The following ABHD16A variants were observed in gnomAD, a reference collection of about 807,000 sequenced individuals.
The protein encoded by ABHD16A is abhydrolase domain containing 16A, phospholipase, also known as phosphatidylserine lipase ABHD16A.
A neutral mutation model predicts 89.8 loss-of-function variants in ABHD16A; 47 were observed. The ratio of observed to expected loss-of-function variants is 0.52; its 90% confidence interval spans 0.41 to 0.67. ABHD16A has a LOEUF of 0.67. ABHD16A is among the 30% of genes least tolerant of loss of function. The pLI is 0.00. For synonymous variants in ABHD16A, 251 were observed against 280.4 expected (o/e 0.90, Z 1.05); for missense variants, 580 against 734.6 (o/e 0.79, Z 2.43).
chr6:31,694,643 G>A (rs532788568), intron 5 of ABHD16A, among the ~76,000 whole-genome samples: 18 of 151,956 alleles, frequency 1.2e-4, no homozygotes, highest in Admixed American at 4.6e-4. Flanking sequence ...CACCCGCCTC[G>A]GCCTTCCAAA....
intron 4 of ABHD16A, among the ~76,000 whole-genome samples, chr6:31,699,425 A>G (rs1266072): frequency 0.062 from 9,413 of 150,626 alleles, 477 homozygotes; most frequent in African/African-American, 0.13. Flanking sequence ...AAAAAAAAAA[A>G]AAAAGAAAAC....
Position 31,688,445 on chromosome 6 carries a change from T to G in ABHD16A, c.1251-140A>C. 3.3e-6 allele frequency: 3 copies of G among 905,712 alleles called. No individual in the cohort carries two copies. Among genetic ancestry groups the G allele is most frequent in the South Asian group, 1.6e-5 (1 of 64,160 alleles). 56.1% of individuals were successfully genotyped at this position (905,712 alleles called of 1,614,324 possible). A position where few individuals can be genotyped will look rare whatever the true frequency, so the allele number is the denominator to read the frequency against. ...CTTGACCTAGCCCTTCACTCAGGGGTGAGAGGGGATTATTTAAGGGGCATG... is the reference window on the plus strand; with the variant it reads ...CTTGACCTAGCCCTTCACTCAGGGGGGAGAGGGGATTATTTAAGGGGCATG... On this transcript the variant is annotated intron_variant, in intron 14 of 19. Coordinates refer to ENST00000395952, the MANE Select transcript of ABHD16A (RefSeq NM_021160.3). The surrounding 1 kb of genome is among the most constrained non-coding windows in gnomAD (Gnocchi z 4.9).
chr6:31,700,932 C>T lies in ABHD16A; in HGVS notation c.343+10G>A, dbSNP rs1287518728. 6.2e-7 allele frequency: 1 copy of T among 1,610,816 alleles called. No individual in the cohort carries two copies. On this transcript the variant is annotated intron_variant, in intron 4 of 19. Coordinates refer to ENST00000395952, the MANE Select transcript of ABHD16A (RefSeq NM_021160.3). ...AGATAAGATTCAAACCAGGTTTCCTCTCCACCTACCTCGGAGGCAGGCCAC... is the reference window on the plus strand; with the variant it reads ...AGATAAGATTCAAACCAGGTTTCCTTTCCACCTACCTCGGAGGCAGGCCAC...
Position 31,687,445 on chromosome 6 carries a change from A to C in ABHD16A, c.1593+53T>G, listed in dbSNP as rs531922928. On this transcript the variant is annotated intron_variant, in intron 19 of 19. Transcript: ENST00000395952. The surrounding 1 kb of genome is among the most constrained non-coding windows in gnomAD (Gnocchi z 6.3). Reference sequence around the variant, plus strand: ...CTTATAGGGTATCCCCAGTCCCCCTATGTGAGCCCTGGCCATTCAAGAACC... The same window carrying C: ...CTTATAGGGTATCCCCAGTCCCCCTCTGTGAGCCCTGGCCATTCAAGAACC... 3 of 1,612,496 alleles carry C rather than the reference A, an allele frequency of 1.9e-6. No homozygotes were observed. Among genetic ancestry groups the C allele is most frequent in the Non-Finnish European group, 2.5e-6 (3 of 1,179,512 alleles).
In ABHD16A at chr6:31,703,211, CT is replaced by C; in HGVS notation, c.70del (p.Arg24GlyfsTer65). 1.4e-6 allele frequency: 2 copies of C among 1,442,874 alleles called. No homozygotes were observed. The highest frequency in any genetic ancestry group is 1.8e-6 in the Non-Finnish European group (2 of 1,088,350). 89.4% of individuals were successfully genotyped at this position (1,442,874 alleles called of 1,614,324 possible). On this transcript the variant is annotated frameshift_variant, in exon 1 of 20. Transcript: ENST00000395952. LOFTEE classifies it high-confidence loss of function. ...CGTCTCAGGGACGCTGGCCGGGGCC[CT>C]TTCAGAGTCCCTCTCCCGGTAGATT... ...YKIYRERDSE[R>X]APASVPETPT...
At position 31,689,082 on chromosome 6, in the gene ABHD16A, G is replaced by A. The variant is rs1803590967; in HGVS notation, c.1119C>T (p.Ala373=). 6.2e-7 allele frequency: 1 copy of A among 1,614,062 alleles called. No individual in the cohort carries two copies. Among genetic ancestry groups the A allele is most frequent in the Non-Finnish European group, 8.5e-7 (1 of 1,180,006 alleles). ...CATCAAAGGAGGCATCCAGGATCAT[G>A]GCACTAACATCTGGGTAGGACATGG... is the stretch of plus-strand genomic sequence containing the variant. The part of the protein sequence containing the change: ...WAAMSYPDVS[A]MILDASFDDL... The change falls in exon 13 of 20, where the codon GCC becomes GCT. Residue 373 remains alanine, a synonymous_variant. Transcript: ENST00000395952.
Position 31,687,399 on chromosome 6 carries a change from C to T in ABHD16A, c.1593+99G>A. On this transcript the variant is annotated intron_variant, in intron 19 of 19. Coordinates refer to ENST00000395952, the MANE Select transcript of ABHD16A (RefSeq NM_021160.3). This position sits in a 1 kb window ranked among gnomAD's most constrained non-coding sequence, Gnocchi z 6.3. ...ACTTCCGCATCCACCACCCACTCTA[C>T]AAAAGCTGCCACTTCCAATGCTTAT... The T allele has an allele frequency of 6.2e-7, 1 of 1,605,330 alleles. No homozygotes were observed. Among genetic ancestry groups the T allele is most frequent in the East Asian group, 2.2e-5 (1 of 44,814 alleles).
Position 31,687,904 on chromosome 6 carries a change from C to A in ABHD16A, c.1371-4G>T. 2 of 1,612,812 alleles carry A rather than the reference C, an allele frequency of 1.2e-6. No individual in the cohort carries two copies. Among genetic ancestry groups the A allele is most frequent in the Non-Finnish European group, 1.7e-6 (2 of 1,180,010 alleles). Reference sequence around the variant, plus strand: ...CTCTGCCATCACCCGGGGATACCTACGGAGGAAGTGCCAGGACAGGTCAGG... The same window carrying A: ...CTCTGCCATCACCCGGGGATACCTAAGGAGGAAGTGCCAGGACAGGTCAGG... On this transcript the variant is annotated splice_polypyrimidine_tract_variant and splice_region_variant and intron_variant, in intron 16 of 19. Transcript: ENST00000395952. The surrounding 1 kb of genome is among the most constrained non-coding windows in gnomAD (Gnocchi z 6.3).
In ABHD16A at chr6:31,690,204, G is replaced by A; in HGVS notation, c.908-77C>T. 2.2e-6 allele frequency: 3 copies of A among 1,377,612 alleles called. No individual in the cohort carries two copies. Among genetic ancestry groups the A allele is most frequent in the Non-Finnish European group, 3.0e-6 (3 of 1,010,218 alleles). The allele number at this position is 1,377,612 out of a possible 1,614,324, so 85.3% of individuals were successfully genotyped here. A position where few individuals can be genotyped will look rare whatever the true frequency, so the allele number is the denominator to read the frequency against. On this transcript the variant is annotated intron_variant, in intron 10 of 19. Coordinates refer to ENST00000395952, the MANE Select transcript of ABHD16A (RefSeq NM_021160.3). This position sits in a 1 kb window ranked among gnomAD's most constrained non-coding sequence, Gnocchi z 4.1. ...TCCATCCCTGGGGGAAGGAAGAGCA[G>A]AAGTACCCCCCAGCTTAGATGCAAA...
chr6:31,687,094 G>C lies in ABHD16A; in HGVS notation c.*118C>G, dbSNP rs916023026. 76 of 957,450 alleles carry C rather than the reference G, an allele frequency of 7.9e-5. 2 individuals carry two copies. In the South Asian group the frequency reaches 1.2e-3, roughly 15 times the overall value. 59.3% of individuals were successfully genotyped at this position (957,450 alleles called of 1,614,324 possible). A position where few individuals can be genotyped will look rare whatever the true frequency, so the allele number is the denominator to read the frequency against. ...GAGGAACAGTGGTGAGAAGGGGGAT[G>C]GTCCCCCACTTTCCACAAACTATAA... On this transcript the variant is annotated 3_prime_UTR_variant, in exon 20 of 20. Coordinates refer to ENST00000395952, the MANE Select transcript of ABHD16A (RefSeq NM_021160.3). The surrounding 1 kb of genome is among the most constrained non-coding windows in gnomAD (Gnocchi z 6.3).
intron 9 of ABHD16A, 57 bp downstream of exon 9, chr6:31,691,522 G>C (rs937641091): frequency 6.4e-7 from 1 of 1,550,610 alleles, no homozygotes; most frequent in African/African-American, 1.4e-5. Flanking sequence ...GGGGTCCCCA[G>C]ACCTCTACTG....
chr6:31,701,230 A>G (rs762764192), intron 3 of ABHD16A, 44 bp downstream of exon 3: 1 of 1,573,920 alleles, frequency 6.4e-7, no homozygotes, highest in East Asian at 2.2e-5. Flanking sequence ...ATCTGCCAAC[A>G]ACCTGCCCAT....
rs774757517 is a variant in ABHD16A at position 31,703,198 on chromosome 6, G to A, written c.84C>T (p.Ser28=). The stretch of plus-strand genomic sequence containing the variant: ...TGACTGCCGTTGGCGTCTCAGGGAC[G>A]CTGGCCGGGGCCCTTTCAGAGTCCC... ...RERDSERAPA[S]VPETPTAVTA... Residue 28 remains serine, a synonymous_variant, in exon 1 of 20, where the codon AGC becomes AGT. Transcript: ENST00000395952. The A allele has an allele frequency of 1.4e-6, 2 of 1,436,142 alleles. No individual in the cohort carries two copies. Among genetic ancestry groups the A allele is most frequent in the South Asian group, 1.5e-5 (1 of 66,698 alleles). 89.0% of individuals were successfully genotyped at this position (1,436,142 alleles called of 1,614,324 possible). A position where few individuals can be genotyped will look rare whatever the true frequency, so the allele number is the denominator to read the frequency against.
At position 31,703,153 on chromosome 6, in the gene ABHD16A, G is replaced by A; in HGVS notation, c.129C>T (p.Ser43=). The A allele has an allele frequency of 7.0e-7, 1 of 1,429,156 alleles. No individual in the cohort carries two copies. Among genetic ancestry groups the A allele is most frequent in the Non-Finnish European group, 9.2e-7 (1 of 1,084,060 alleles). 88.5% of individuals were successfully genotyped at this position (1,429,156 alleles called of 1,614,324 possible). Residue 43 remains serine (S), a synonymous_variant, in exon 1 of 20, where the codon TCC becomes TCT. Transcript: ENST00000395952. ...PTAVTAPHSS[S]WDTYYQPRAL... is the part of the protein sequence containing the mutation. Reference sequence around the variant, plus strand: ...GGTGGGGAGGAACTCGACTCACCCAGGAGCTGGAATGGGGGGCAGTGACTG... The same window carrying A: ...GGTGGGGAGGAACTCGACTCACCCAAGAGCTGGAATGGGGGGCAGTGACTG...
chr6:31,702,872 C>G lies in ABHD16A; in HGVS notation c.132+278G>C, dbSNP rs186699873. 523 of 1,348,698 alleles carry G rather than the reference C, an allele frequency of 3.9e-4. 1 individual carries two copies. The South Asian group carries it at 6.1e-3, about 16-fold the overall frequency. The allele number at this position is 1,348,698 out of a possible 1,614,324, so 83.5% of individuals were successfully genotyped here. ...CCGGGACTCAAGACTCAACTGGGAC[C>G]GGCACGAACCACGACACACAGGGTC... On this transcript the variant is annotated intron_variant, in intron 1 of 19. Coordinates refer to ENST00000395952, the MANE Select transcript of ABHD16A (RefSeq NM_021160.3).
chr6:31,691,457 C>G (rs1803868072), intron 9 of ABHD16A, 122 bp downstream of exon 9: 1 of 816,300 alleles, frequency 1.2e-6, no homozygotes, highest in Admixed American at 2.3e-5. Flanking sequence ...TAGCGTGGAG[C>G]TAGGACATGA....
In ABHD16A at chr6:31,690,010, T is replaced by C; in HGVS notation, c.957+68A>G. 6.7e-7 allele frequency: 1 copy of C among 1,493,450 alleles called. No homozygotes were observed. The highest frequency in any genetic ancestry group is 9.0e-7 in the Non-Finnish European group (1 of 1,108,444). 92.5% of individuals were successfully genotyped at this position (1,493,450 alleles called of 1,614,324 possible). On this transcript the variant is annotated intron_variant, in intron 11 of 19. Coordinates refer to ENST00000395952, the MANE Select transcript of ABHD16A (RefSeq NM_021160.3). This position sits in a 1 kb window ranked among gnomAD's most constrained non-coding sequence, Gnocchi z 4.1. ...AGAAATCCACAGCCCCTCTCCTCCCTCCAATGGCTGACCAGAGGGAAACAG... is the reference window on the plus strand; with the variant it reads ...AGAAATCCACAGCCCCTCTCCTCCCCCCAATGGCTGACCAGAGGGAAACAG...
intron 7 of ABHD16A, chr6:31,692,808 G>C: frequency 3.0e-6 from 1 of 329,662 alleles, no homozygotes; most frequent in Non-Finnish European, 5.4e-6. Flanking sequence ...TCATATCCCA[G>C]TTCTTTACTT....
rs1163003457 is a variant in ABHD16A, at chr6:31,700,966, G to T, written c.319C>A (p.Leu107Met). ...SHYAGTLLLL[L>M]AGVACLRGIG... The stretch of plus-strand genomic sequence containing the variant: ...CCTCGGAGGCAGGCCACACCTGCCA[G>T]AAGTAGCAGCAATGTCCCAGCATAG... Residue 107 changes from leucine to methionine, a missense_variant, in exon 4 of 20, where the codon CTG (leucine) becomes ATG (methionine). By Grantham distance (15) the Leu-to-Met change is conservative (BLOSUM62 2). Coordinates refer to ENST00000395952, the MANE Select transcript of ABHD16A (RefSeq NM_021160.3). 1.2e-6 allele frequency: 2 copies of T among 1,613,978 alleles called. No individual in the cohort carries two copies. Among genetic ancestry groups the T allele is most frequent in the African/African-American group, 1.3e-5 (1 of 74,972 alleles).
Sources: gnomAD v4.1 joint callset for allele counts (sites outside exome capture counted in the v4.1 genomes callset) on GRCh38, gnomAD v4.1.1 for gene constraint, Gnocchi (gnomAD v3.1) non-coding constraint, MANE v1.5 for transcripts, NCBI Gene and HGNC (gene_info 2026-07-23, HGNC 2026-07-21) for gene names.